The following ICA1 variants were observed in gnomAD, a reference collection of about 807,000 sequenced individuals.
ICA1 encodes the protein 69 kDa islet cell autoantigen.
A neutral mutation model predicts 71.0 loss-of-function variants in ICA1; 40 were observed. The ratio of observed to expected loss-of-function variants is 0.56; its 90% CI spans 0.44 to 0.73. ICA1 has a LOEUF of 0.73. ICA1 is among the 30% of genes least tolerant of loss of function. The pLI is 0.00. For synonymous variants in ICA1, 207 were observed against 209.5 expected (o/e 0.99, Z 0.10); for missense variants, 578 against 576.5 (o/e 1.00, Z -0.03).
intron 6 of ICA1, among the ~76,000 whole-genome samples, chr7:8,171,042 C>T (rs1808137297): frequency 6.6e-6 from 1 of 151,820 alleles, no homozygotes; most frequent in Admixed American, 6.6e-5. Flanking sequence ...TTTCCTTTTG[C>T]TAATATTTTG....
chr7:8,229,929 G>C (rs550414988), intron 3 of ICA1, among the ~76,000 whole-genome samples: 3 of 152,278 alleles, frequency 2.0e-5, no homozygotes, highest in Non-Finnish European at 2.9e-5. Context: ...ATAGGAGCAA[G>C]GACGTTCAAA....
chr7:8,247,476 A>T (rs1273905850), intron 1 of ICA1, among the ~76,000 whole-genome samples: 1 of 151,556 alleles, frequency 6.6e-6, no homozygotes, highest in Non-Finnish European at 1.5e-5. Flanking sequence ...GAAAAGAAAA[A>T]AGAAAAAAAA....
At chr7:8,184,954 G>T (rs1161867100) in intron 6 of ICA1, among the ~76,000 whole-genome samples, 1 of 152,050 alleles carries the variant, frequency 6.6e-6, no homozygotes, top group Non-Finnish European at 1.5e-5. Context: ...TGCGCCTATA[G>T]TCCTAGCTAC....
At chr7:8,145,603 C>G (rs112338800) in intron 8 of ICA1, among the ~76,000 whole-genome samples, 59 of 151,862 alleles carry the variant, frequency 3.9e-4, no homozygotes, top group African/African-American at 1.3e-3. Context: ...AAAATATTTT[C>G]TAAATCAGAA....
rs1216200540 is a variant in ICA1 at position 8,223,204 on chromosome 7, T to C, written c.257-1806A>G. Among the ~76,000 whole-genome samples the C allele has an allele frequency of 6.6e-6, 1 of 152,216 alleles. No homozygotes were observed. The highest frequency in any genetic ancestry group is 1.5e-5 in the Non-Finnish European group (1 of 68,040). ...ATGAATCTTTCCCTATGGAAAGCAA[T>C]GTCTCATTTTTGATCTTAATCGTGT... On this transcript the variant is annotated intron_variant, in intron 4 of 13. Coordinates refer to ENST00000402384, the MANE Select transcript of ICA1 (RefSeq NM_001136020.3). The surrounding 1 kb of genome is among the most constrained non-coding windows in gnomAD (Gnocchi z 4.1).
intron 5 of ICA1, among the ~76,000 whole-genome samples, chr7:8,219,461 CG>C (rs1796379880): frequency 6.6e-6 from 1 of 152,208 alleles, no homozygotes; most frequent in Non-Finnish European, 1.5e-5. Flanking sequence ...GCCTTACGTG[CG>C]TGTAGCACGG....
chr7:8,184,555 C>G lies in ICA1; in HGVS notation c.580-25903G>C, dbSNP rs115290470. 2.4e-3 allele frequency among the ~76,000 whole-genome samples: 361 copies of G among 152,290 alleles called. 1 individual carries two copies. Among genetic ancestry groups the G allele is most frequent in the African/African-American group, 8.3e-3 (347 of 41,564 alleles). On this transcript the variant is annotated intron_variant, in intron 6 of 13. Coordinates refer to ENST00000402384, the MANE Select transcript of ICA1 (RefSeq NM_001136020.3). ...GGAATATATCACAATATATAAATCA[C>G]AAGATAGCTTTCTCTCTTCCTAGGC...
chr7:8,239,410 G>A (rs1009225328), intron 1 of ICA1, among the ~76,000 whole-genome samples: 2 of 152,176 alleles, frequency 1.3e-5, no homozygotes, highest in Non-Finnish European at 2.9e-5. Flanking sequence ...CTGTCCAATA[G>A]AAATAGACTA....
chr7:8,200,505 T>C (rs1374887772), intron 6 of ICA1, among the ~76,000 whole-genome samples: 1 of 152,100 alleles, frequency 6.6e-6, no homozygotes, highest in African/African-American at 2.4e-5. Flanking sequence ...ATTGACTTCC[T>C]GTTTGGGGGA....
chr7:8,219,632 CAA>C (rs748043592), intron 5 of ICA1, among the ~76,000 whole-genome samples: 4 of 152,198 alleles, frequency 2.6e-5, no homozygotes, highest in Non-Finnish European at 4.4e-5. Flanking sequence ...AGATTATTTT[CAA>C]AGACATTGTT....
At position 8,132,759 on chromosome 7, in the gene ICA1, T is replaced by C. The variant is rs1045849961; in HGVS notation, c.1061-4617A>G. On this transcript the variant is annotated intron_variant, in intron 12 of 13. Transcript: ENST00000402384. The surrounding 1 kb of genome is among the most constrained non-coding windows in gnomAD (Gnocchi z 4.5). ...CCTTCCCTACATTCTCTATAGAAGA[T>C]CTTTTCTATTCTTAGGGTTCCAATG... Among the ~76,000 whole-genome samples the C allele has an allele frequency of 2.0e-5, 3 of 152,330 alleles. No homozygotes were observed. The East Asian group carries it at 5.8e-4, about 29-fold the overall frequency.
chr7:8,200,530 G>C (rs765062296), intron 6 of ICA1, among the ~76,000 whole-genome samples: 5 of 152,070 alleles, frequency 3.3e-5, no homozygotes, highest in Admixed American at 2.0e-4. Context: ...ATCATGAAGG[G>C]CACGGACATA....
In ICA1 at chr7:8,204,724, C is replaced by T. The variant is rs562384399; in HGVS notation, c.579+13581G>A. On this transcript the variant is annotated intron_variant, in intron 6 of 13. Transcript: ENST00000402384. ...GAGCAGTCTTTTGACTTTTGCACAACTCATGTTTAACGTTCTTTTAAAGTA... is the reference window on the plus strand; with the variant it reads ...GAGCAGTCTTTTGACTTTTGCACAATTCATGTTTAACGTTCTTTTAAAGTA... Among the ~76,000 whole-genome samples the T allele has an allele frequency of 7.2e-5, 11 of 152,242 alleles. No homozygotes were observed. In the South Asian group the frequency reaches 2.3e-3, roughly 32 times the overall value.
intron 1 of ICA1, among the ~76,000 whole-genome samples, chr7:8,253,849 T>C (rs550022507): frequency 1.3e-5 from 2 of 152,176 alleles, no homozygotes; most frequent in African/African-American, 4.8e-5. Flanking sequence ...TAGAAACGTA[T>C]GAATGGTTAA....
rs991965687 is a variant in ICA1 at position 8,222,063 on chromosome 7, C to G, written c.257-665G>C. Reference sequence around the variant, plus strand: ...TGATTTGGTGCAAGCTTTCTGCAGACTGATTTGACGGTAAACATTTAAAAA... The same window carrying G: ...TGATTTGGTGCAAGCTTTCTGCAGAGTGATTTGACGGTAAACATTTAAAAA... On this transcript the variant is annotated intron_variant, in intron 4 of 13. Transcript: ENST00000402384. The surrounding 1 kb of genome is among the most constrained non-coding windows in gnomAD (Gnocchi z 4.8). 2.6e-5 allele frequency among the ~76,000 whole-genome samples: 4 copies of G among 152,140 alleles called. No homozygotes were observed. Among genetic ancestry groups the G allele is most frequent in the Non-Finnish European group, 4.4e-5 (3 of 68,030 alleles).
chr7:8,156,958 A>C (rs1562733039), intron 8 of ICA1, 158 bp downstream of exon 8: 1 of 1,484,064 alleles, frequency 6.7e-7, no homozygotes, highest in South Asian at 1.3e-5. Flanking sequence ...AAAAAAAGAA[A>C]GAAAGAAAGA....
chr7:8,115,819 C>G (rs1333453334), intron 13 of ICA1, among the ~76,000 whole-genome samples: 1 of 152,230 alleles, frequency 6.6e-6, no homozygotes, highest in Middle Eastern at 3.2e-3. Flanking sequence ...GAGAACAGAT[C>G]TCATGAACTT....
In ICA1 at chr7:8,223,739, G is replaced by T. The variant is rs1353075712; in HGVS notation, c.257-2341C>A. Among the ~76,000 whole-genome samples the T allele has an allele frequency of 1.3e-5, 2 of 152,074 alleles. No homozygotes were observed. Among genetic ancestry groups the T allele is most frequent in the African/African-American group, 4.8e-5 (2 of 41,396 alleles). ...TACTAGGAGTTCAAGACCAGCCTGTGCAACATAGCAAGACCCCTGTCTCTA... is the reference window on the plus strand; with the variant it reads ...TACTAGGAGTTCAAGACCAGCCTGTTCAACATAGCAAGACCCCTGTCTCTA... On this transcript the variant is annotated intron_variant, in intron 4 of 13. Transcript: ENST00000402384. The surrounding 1 kb of genome is among the most constrained non-coding windows in gnomAD (Gnocchi z 4.1).
chr7:8,250,908 A>AT (rs912168274), intron 1 of ICA1, among the ~76,000 whole-genome samples: 26 of 150,692 alleles, frequency 1.7e-4, no homozygotes, highest in African/African-American at 5.6e-4. Flanking sequence ...TATTAAAGAA[A>AT]TTTTTTTTTT....
Sources: allele counts gnomAD v4.1 joint callset (sites outside exome capture counted in the v4.1 genomes callset), GRCh38; gene constraint gnomAD v4.1.1; non-coding constraint Gnocchi (gnomAD v3.1); transcripts MANE v1.5; gene names NCBI Gene and HGNC (gene_info 2026-07-23, HGNC 2026-07-21).